Variants in BRINP1 observed in about 807,000 individuals in gnomAD.
BRINP1 encodes the protein BMP/retinoic acid inducible neural specific 1.
BRINP1 carries 17 observed loss-of-function variants against 72.9 expected under a neutral mutation model. The observed-to-expected ratio is 0.23, with a 90% confidence interval of 0.16 to 0.35. BRINP1 has a LOEUF of 0.35. BRINP1 is among the 10% of genes least tolerant of loss of function. BRINP1 has a pLI of 1.00. For synonymous variants in BRINP1, 418 were observed against 378.5 expected (o/e 1.10, Z -1.21); for missense variants, 850 against 1,001.6 (o/e 0.85, Z 2.04).
intron 5 of BRINP1, among the ~76,000 whole-genome samples, chr9:119,238,421 G>T (rs906889612): frequency 1.3e-5 from 2 of 151,958 alleles, no homozygotes; most frequent in African/African-American, 4.8e-5. Flanking sequence ...CTTACTATCT[G>T]AAAACTAATT....
At chr9:119,265,874 A>T (rs1442522009) in intron 2 of BRINP1, among the ~76,000 whole-genome samples, 1 of 151,774 alleles carries the variant, frequency 6.6e-6, no homozygotes, top group African/African-American at 2.4e-5. Flanking sequence ...TCAATCCTCA[A>T]CCTCCTCGCT....
At chr9:119,321,255 G>A (rs186725787) in intron 1 of BRINP1, among the ~76,000 whole-genome samples, 1 of 152,228 alleles carries the variant, frequency 6.6e-6, no homozygotes, top group African/African-American at 2.4e-5. Context: ...TATACATGGT[G>A]AGGAGGGGAA....
At chr9:119,286,067 C>T (rs1830757651) in intron 2 of BRINP1, among the ~76,000 whole-genome samples, 1 of 152,102 alleles carries the variant, frequency 6.6e-6, no homozygotes, top group South Asian at 2.1e-4. Flanking sequence ...ATATGAATAT[C>T]AGCATTGACA....
Position 119,323,406 on chromosome 9 carries a change from G to C in BRINP1, c.-50-10001C>G, listed in dbSNP as rs956903132. Reference sequence around the variant, plus strand: ...TGTGTCCCCTCCACATAGATCAGAGGTGGGCCACCTACAAGGGAAAACTGG... The same window carrying C: ...TGTGTCCCCTCCACATAGATCAGAGCTGGGCCACCTACAAGGGAAAACTGG... On this transcript the variant is annotated intron_variant, in intron 1 of 7. Transcript: ENST00000265922. Among the ~76,000 whole-genome samples, 18 of 152,192 alleles carry C rather than the reference G, an allele frequency of 1.2e-4. 1 individual carries two copies. Among genetic ancestry groups the C allele is most frequent in the African/African-American group, 4.3e-4 (18 of 41,444 alleles).
At chr9:119,238,161 T>C (rs1830210534) in intron 5 of BRINP1, among the ~76,000 whole-genome samples, 1 of 146,518 alleles carries the variant, frequency 6.8e-6, no homozygotes, top group South Asian at 2.4e-4. Flanking sequence ...CCTTACTTTT[T>C]TTGATATAAT....
chr9:119,185,354 A>AAGAT (rs1401817541), intron 7 of BRINP1, among the ~76,000 whole-genome samples: 1 of 152,246 alleles, frequency 6.6e-6, no homozygotes, highest in Admixed American at 6.5e-5. Context: ...CTGAAACCTT[A>AAGAT]AGATAAATCC....
At chr9:119,338,757 T>A in intron 1 of BRINP1, among the ~76,000 whole-genome samples, 1 of 145,168 alleles carries the variant, frequency 6.9e-6, no homozygotes, top group Non-Finnish European at 1.5e-5. Flanking sequence ...TAGCCGGGCG[T>A]GGTGGCGGGC....
chr9:119,172,275 G>A (rs944229647), intron 7 of BRINP1, among the ~76,000 whole-genome samples: 39 of 151,804 alleles, frequency 2.6e-4, no homozygotes, highest in African/African-American at 5.8e-4. Flanking sequence ...TCAAATAGAC[G>A]CAATAAAAAA....
intron 1 of BRINP1, among the ~76,000 whole-genome samples, chr9:119,345,406 T>C (rs1831439656): frequency 1.3e-5 from 2 of 152,202 alleles, no homozygotes; most frequent in South Asian, 4.1e-4. Flanking sequence ...TTTCAATCTC[T>C]TCCATCCCAA....
intron 7 of BRINP1, among the ~76,000 whole-genome samples, chr9:119,196,919 GC>G (rs1829744368): frequency 6.6e-6 from 1 of 152,184 alleles, no homozygotes; most frequent in African/African-American, 2.4e-5. Context: ...TCTTTTCACT[GC>G]AAGTACAAAG....
intron 2 of BRINP1, among the ~76,000 whole-genome samples, chr9:119,257,576 A>G (rs1250638653): frequency 6.6e-6 from 1 of 152,210 alleles, no homozygotes; most frequent in Admixed American, 6.5e-5. Context: ...CGCATTAACT[A>G]ATCATTTGGA....
chr9:119,312,838 A>C (rs1469865565), intron 2 of BRINP1, among the ~76,000 whole-genome samples: 1 of 152,234 alleles, frequency 6.6e-6, no homozygotes, highest in Non-Finnish European at 1.5e-5. Context: ...TGGGAAAAAC[A>C]ATCAAAACCT....
chr9:119,251,607 A>C (rs1313802664), intron 2 of BRINP1, among the ~76,000 whole-genome samples: 2 of 147,832 alleles, frequency 1.4e-5, no homozygotes, highest in African/African-American at 4.8e-5. Flanking sequence ...ATAAACACAA[A>C]AACAACAAAA....
At chr9:119,198,247 C>G (rs992951187) in intron 7 of BRINP1, among the ~76,000 whole-genome samples, 5 of 152,190 alleles carry the variant, frequency 3.3e-5, no homozygotes, top group African/African-American at 1.2e-4. Context: ...TTTAACTTCA[C>G]GTTTTCAATT....
chr9:119,284,731 C>T (rs1830742753), intron 2 of BRINP1, among the ~76,000 whole-genome samples: 1 of 152,092 alleles, frequency 6.6e-6, no homozygotes, highest in African/African-American at 2.4e-5. Context: ...CCCTCTTTCT[C>T]AATAAATGTG....
At chr9:119,277,498 A>T (rs1588188157) in intron 2 of BRINP1, among the ~76,000 whole-genome samples, 2 of 152,212 alleles carry the variant, frequency 1.3e-5, no homozygotes, top group East Asian at 3.9e-4. Flanking sequence ...TATTTGGGGG[A>T]GGGAGGGTGA....
At chr9:119,295,529 T>C (rs1683501364) in intron 2 of BRINP1, among the ~76,000 whole-genome samples, 1 of 152,176 alleles carries the variant, frequency 6.6e-6, no homozygotes, top group African/African-American at 2.4e-5. Context: ...ATCAAATATA[T>C]CTGAACATAG....
rs75039783 is a variant in BRINP1, at chr9:119,203,427, G to T, written c.1145+5292C>A. Among the ~76,000 whole-genome samples the T allele has an allele frequency of 5.9e-3, 897 of 152,194 alleles. 6 individuals are homozygous for T. Among genetic ancestry groups the T allele is most frequent in the African/African-American group, 0.019 (777 of 41,526 alleles). ...CAATTTCATTAGGTAACTAATTACT[G>T]AGTGCCAAGAAATTTATATGCCAAC... is the stretch of plus-strand genomic sequence containing the variant. On this transcript the variant is annotated intron_variant, in intron 7 of 7. Transcript: ENST00000265922.
intron 7 of BRINP1, among the ~76,000 whole-genome samples, chr9:119,175,398 CATT>C: frequency 6.6e-6 from 1 of 152,110 alleles, no homozygotes; most frequent in East Asian, 1.9e-4. Context: ...GGAGAGATAG[CATT>C]AGGAGAAATA....
Sources: allele counts gnomAD v4.1 joint callset (sites outside exome capture counted in the v4.1 genomes callset), GRCh38; gene constraint gnomAD v4.1.1; transcripts MANE v1.5; gene names NCBI Gene and HGNC (gene_info 2026-07-23, HGNC 2026-07-21).